ALX4: variants seen among roughly 807,000 people sequenced by gnomAD.
ALX4 encodes the protein homeobox protein aristaless-like 4.
A neutral mutation model predicts 40.6 loss-of-function variants in ALX4; 22 were observed. The observed-to-expected ratio is 0.54, with a 90% confidence interval of 0.39 to 0.77. The LOEUF (loss-of-function observed/expected upper bound fraction) is 0.77, where lower values mean the gene tolerates loss of function less well. Among genes scored for constraint, ALX4 ranks in the 30% least tolerant of loss-of-function variants. ALX4 has a pLI of 0.00. For synonymous variants in ALX4, 266 were observed against 240.5 expected (o/e 1.11, Z -0.98); for missense variants, 556 against 564.8 (o/e 0.98, Z 0.16).
intron 2 of ALX4, among the ~76,000 whole-genome samples, chr11:44,273,953 T>C (rs946339490): frequency 1.3e-5 from 2 of 151,978 alleles, no homozygotes; most frequent in Non-Finnish European, 2.9e-5. Context: ...ACCCAGTCTC[T>C]TTAAAAAAAA....
chr11:44,303,302 T>C (rs1956445557), intron 1 of ALX4, among the ~76,000 whole-genome samples: 1 of 152,162 alleles, frequency 6.6e-6, no homozygotes, highest in African/African-American at 2.4e-5. Context: ...AAGCACTGGC[T>C]CCCTCTCTGC....
Position 44,264,558 on chromosome 11 carries a change from G to A in ALX4, c.*296C>T, listed in dbSNP as rs867734583. 15 of 521,648 alleles carry A rather than the reference G, an allele frequency of 2.9e-5. No individual in the cohort carries two copies. The highest frequency in any genetic ancestry group is 2.4e-5 in the Non-Finnish European group (7 of 289,474). 32.3% of individuals were successfully genotyped at this position (521,648 alleles called of 1,614,324 possible). The stretch of plus-strand genomic sequence containing the variant: ...GAGGAGTGGGCGGGAGCAAGAAAGC[G>A]CTTTCAGCTTATCATGGATGCGAAG... On this transcript the variant is annotated 3_prime_UTR_variant, in exon 4 of 4. Transcript: ENST00000652299.
chr11:44,267,737 A>C (rs1174098099), intron 2 of ALX4, 115 bp from the exon 3 acceptor site: 3 of 1,436,460 alleles, frequency 2.1e-6, no homozygotes, highest in Non-Finnish European at 2.9e-6. Flanking sequence ...TGCGTTTGGG[A>C]AACGGTGCGG....
intron 3 of ALX4, among the ~76,000 whole-genome samples, chr11:44,266,544 T>C (rs1956215088): frequency 6.6e-6 from 1 of 152,046 alleles, no homozygotes; most frequent in Non-Finnish European, 1.5e-5. Context: ...CAGAGACCAT[T>C]TGCTAGCACA....
chr11:44,266,879 G>A (rs1956216701), intron 3 of ALX4, among the ~76,000 whole-genome samples: 1 of 152,192 alleles, frequency 6.6e-6, no homozygotes, highest in African/African-American at 2.4e-5. Context: ...CCCAGAAGCT[G>A]AGCACAGGCA....
At chr11:44,279,552 G>A (rs529428615) in intron 1 of ALX4, among the ~76,000 whole-genome samples, 9 of 150,638 alleles carry the variant, frequency 6.0e-5, no homozygotes, top group South Asian at 2.1e-4. Context: ...TCAGCAAGAC[G>A]GCTGCTGAAA....
At chr11:44,270,050 C>T (rs552820144) in intron 2 of ALX4, among the ~76,000 whole-genome samples, 19 of 152,252 alleles carry the variant, frequency 1.2e-4, no homozygotes, top group Admixed American at 3.9e-4. Flanking sequence ...GATGTCCCTA[C>T]AGGCTCTGGA....
chr11:44,273,394 T>C (rs1956260217), intron 2 of ALX4, among the ~76,000 whole-genome samples: 1 of 152,172 alleles, frequency 6.6e-6, no homozygotes, highest in Non-Finnish European at 1.5e-5. Flanking sequence ...TCACCTGTAT[T>C]TTGGCTACTC....
chr11:44,306,860 C>T (rs1345871381), intron 1 of ALX4, among the ~76,000 whole-genome samples: 1 of 152,182 alleles, frequency 6.6e-6, no homozygotes, highest in Non-Finnish European at 1.5e-5. Context: ...GTTTCTCCAT[C>T]TTAGACCTAA....
At chr11:44,280,532 G>A (rs374071470) in intron 1 of ALX4, among the ~76,000 whole-genome samples, 9 of 152,302 alleles carry the variant, frequency 5.9e-5, no homozygotes, top group African/African-American at 1.7e-4. Context: ...TTGTGGACCC[G>A]GAAAGGCTCT....
chr11:44,274,019 A>G (rs2135312685), intron 2 of ALX4, among the ~76,000 whole-genome samples: 1 of 152,280 alleles, frequency 6.6e-6, no homozygotes, highest in Middle Eastern at 3.4e-3. Context: ...TCATGCCTAT[A>G]ATTCTAGCAC....
In ALX4 at chr11:44,265,007, C is replaced by T. The variant is rs760004486; in HGVS notation, c.1083G>A (p.Gln361=). The change falls in exon 4 of 4, where the codon CAG becomes CAA. Residue 361 remains glutamine (Q), a synonymous_variant. Transcript: ENST00000652299. ...SVSGAGSHVG[Q]THMGSLFGAA... is the part of the protein sequence containing the mutation. The stretch of plus-strand genomic sequence containing the variant: ...CTCCAAACAGGCTGCCCATGTGCGT[C>T]TGGCCCACGTGACTGCCAGCCCCAG... 3 of 1,613,086 alleles carry T rather than the reference C, an allele frequency of 1.9e-6. No homozygotes were observed. The highest frequency in any genetic ancestry group is 2.5e-6 in the Non-Finnish European group (3 of 1,179,940).
chr11:44,272,463 C>T (rs1027196232), intron 2 of ALX4, among the ~76,000 whole-genome samples: 6 of 150,720 alleles, frequency 4.0e-5, no homozygotes, highest in African/African-American at 1.5e-4. Context: ...AAGATTGCAC[C>T]ACTGCACTCC....
rs149554229 is a variant in ALX4, at chr11:44,296,281, C to G, written c.466+13316G>C. ...CATAAGGAAGAATGAAGTTGGAGAGCCTTATGTTACGTCATATTCAAAATT... is the reference window on the plus strand; with the variant it reads ...CATAAGGAAGAATGAAGTTGGAGAGGCTTATGTTACGTCATATTCAAAATT... On this transcript the variant is annotated intron_variant, in intron 1 of 3. Coordinates refer to ENST00000652299, the MANE Select transcript of ALX4 (RefSeq NM_021926.4). 8.5e-3 allele frequency among the ~76,000 whole-genome samples: 1,296 copies of G among 152,248 alleles called. 18 individuals are homozygous for G. In the South Asian group the frequency reaches 0.089, roughly 10 times the overall value.
chr11:44,293,462 C>A (rs1956384924), intron 1 of ALX4, among the ~76,000 whole-genome samples: 1 of 152,132 alleles, frequency 6.6e-6, no homozygotes, highest in African/African-American at 2.4e-5. Context: ...TCCCTTCTAC[C>A]AAGCAAACCT....
chr11:44,309,405 G>A (rs1956491709), intron 1 of ALX4, among the ~76,000 whole-genome samples, 192 bp downstream of exon 1: 1 of 152,236 alleles, frequency 6.6e-6, no homozygotes. Context: ...TCCGTGCCTA[G>A]GCCGGCGGAC....
intron 3 of ALX4, 29 bp downstream of exon 3, chr11:44,267,465 C>T (rs773879165): frequency 6.2e-6 from 10 of 1,611,890 alleles, no homozygotes; most frequent in Admixed American, 3.3e-5. Context: ...GGCTGGGGAT[C>T]GGTGGCGGCA....
At chr11:44,270,868 A>G (rs980020625) in intron 2 of ALX4, among the ~76,000 whole-genome samples, 1 of 152,214 alleles carries the variant, frequency 6.6e-6, no homozygotes, top group Non-Finnish European at 1.5e-5. Flanking sequence ...ACCGCAGCCC[A>G]TCTGGGGCCA....
In ALX4 at chr11:44,265,049, G is replaced by A. The variant is rs766238204; in HGVS notation, c.1041C>T (p.Thr347=). The change falls in exon 4 of 4, where the codon ACC becomes ACT. Residue 347 remains threonine (T), a synonymous_variant. Transcript: ENST00000652299. ...CAGCCCCAGACACACTCAGGAAGTC[G>A]GTGACGCTGCTGGCCCCAGAGCCAG... ...HPPGSGASSV[T]DFLSVSGAGS... The A allele has an allele frequency of 9.9e-6, 16 of 1,613,080 alleles. No homozygotes were observed. Among genetic ancestry groups the A allele is most frequent in the Middle Eastern group, 1.7e-4 (1 of 6,058 alleles).
Sources: gnomAD v4.1 joint callset for allele counts (sites outside exome capture counted in the v4.1 genomes callset) on GRCh38, gnomAD v4.1.1 for gene constraint, MANE v1.5 for transcripts, NCBI Gene and HGNC (gene_info 2026-07-23, HGNC 2026-07-21) for gene names.